ROBO1: variants seen among roughly 807,000 people sequenced by gnomAD.
ROBO1 encodes the protein roundabout guidance receptor 1.
Under a neutral mutation model 195.9 loss-of-function variants are expected in ROBO1, and 149 were observed. That is an observed-to-expected ratio of 0.76 (90% CI 0.67 to 0.87). The LOEUF (loss-of-function observed/expected upper bound fraction) is 0.87, where lower values mean the gene tolerates loss of function less well. Ranked by LOEUF, ROBO1 falls within the 40% of genes least tolerant of loss-of-function variation. The pLI is 0.00. For missense variants in ROBO1, 1,933 were observed against 2,068.3 expected, an observed-to-expected ratio of 0.93 and a Z score of 1.27; for synonymous variants, 816 against 733.2, an observed-to-expected ratio of 1.11 and a Z score of -1.82.
intron 3 of ROBO1, among the ~76,000 whole-genome samples, chr3:78,951,906 C>A (rs895436456): frequency 6.6e-5 from 10 of 151,878 alleles, no homozygotes; most frequent in African/African-American, 2.4e-4. Context: ...CAGAAAGTAA[C>A]CATTTAAGAG....
intron 3 of ROBO1, among the ~76,000 whole-genome samples, chr3:79,027,229 A>C (rs978047044): frequency 3.0e-4 from 46 of 152,084 alleles, no homozygotes; most frequent in African/African-American, 1.1e-3. Flanking sequence ...ATTGTACTCG[A>C]GTTTCCTATT....
intron 8 of ROBO1, among the ~76,000 whole-genome samples, chr3:78,697,525 C>A (rs1418535023): frequency 6.6e-6 from 1 of 152,040 alleles, no homozygotes; most frequent in African/African-American, 2.4e-5. Context: ...TGATAATCGG[C>A]CTAAATAATA....
chr3:79,664,513 C>A (rs1476389705), intron 1 of ROBO1, among the ~76,000 whole-genome samples: 1 of 152,032 alleles, frequency 6.6e-6, no homozygotes, highest in Non-Finnish European at 1.5e-5. Context: ...CAGAAATATG[C>A]TTTAGCATCT....
intron 1 of ROBO1, among the ~76,000 whole-genome samples, chr3:79,673,565 G>T (rs1044331020): frequency 6.6e-6 from 1 of 151,892 alleles, no homozygotes; most frequent in Non-Finnish European, 1.5e-5. Context: ...TTTTTGTGTG[G>T]GAGGCACAGT....
chr3:79,278,007 G>C (rs1306570836), intron 2 of ROBO1, among the ~76,000 whole-genome samples: 18 of 152,014 alleles, frequency 1.2e-4, no homozygotes, highest in Admixed American at 1.2e-3. Context: ...AAAATCAGTA[G>C]TGTTTCTATA....
At chr3:79,252,920 A>G (rs1559766991) in intron 2 of ROBO1, among the ~76,000 whole-genome samples, 3 of 152,268 alleles carry the variant, frequency 2.0e-5, no homozygotes, top group Admixed American at 2.0e-4. Context: ...ATTAAATTAT[A>G]CTAGTGTTCT....
At chr3:78,711,348 C>CTCCTTTCTTTCTTTCTTTCTTTCTTCCT in intron 8 of ROBO1, among the ~76,000 whole-genome samples, 1 of 54,692 alleles carries the variant, frequency 1.8e-5, no homozygotes, top group South Asian at 8.7e-4. Flanking sequence ...TCCTTCCTTC[C>CTCCTTTCTTTCTTTCTTTCTTTCTTCCT]TCCTTCCTTC....
chr3:79,203,283 G>A (rs534877520), intron 2 of ROBO1, among the ~76,000 whole-genome samples: 1 of 152,256 alleles, frequency 6.6e-6, no homozygotes, highest in East Asian at 1.9e-4. Flanking sequence ...AAGCCATCTT[G>A]CTGAGAGCGG....
intron 2 of ROBO1, among the ~76,000 whole-genome samples, chr3:79,546,459 T>TA (rs1233445153): frequency 2.6e-5 from 4 of 152,132 alleles, no homozygotes; most frequent in Non-Finnish European, 5.9e-5. Flanking sequence ...GCTGGAACGT[T>TA]AAAAAAATTC....
chr3:78,642,386 C>T (rs1189590698), intron 21 of ROBO1, among the ~76,000 whole-genome samples: 1 of 152,104 alleles, frequency 6.6e-6, no homozygotes, highest in African/African-American at 2.4e-5. Flanking sequence ...AGGAGGCTGG[C>T]AGGAAGCCTT....
In ROBO1 at chr3:78,653,764, A is replaced by G. The variant is rs558469226; in HGVS notation, c.2615-1835T>C. On this transcript the variant is annotated intron_variant, in intron 18 of 30. Transcript: ENST00000464233. ...CAGGAATAAGCTGGACGCAGGTCAG[A>G]TAAGAGCCACAGGGGCGTCTGCCAG... Among the ~76,000 whole-genome samples the G allele has an allele frequency of 3.3e-5, 5 of 152,300 alleles. No individual in the cohort carries two copies. The South Asian group carries it at 1.0e-3, about 32-fold the overall frequency.
intron 2 of ROBO1, among the ~76,000 whole-genome samples, chr3:79,247,611 A>T (rs774195596): frequency 1.3e-5 from 2 of 152,038 alleles, no homozygotes; most frequent in Non-Finnish European, 2.9e-5. Context: ...CTTTGCTGAC[A>T]ACAGAAGCTT....
At chr3:78,694,456 C>T (rs2081242864) in intron 8 of ROBO1, among the ~76,000 whole-genome samples, 1 of 152,116 alleles carries the variant, frequency 6.6e-6, no homozygotes, top group Admixed American at 6.5e-5. Flanking sequence ...GTCCCATACG[C>T]AAAATTTAAA....
chr3:79,750,519 A>G (rs1704089374), intron 1 of ROBO1, among the ~76,000 whole-genome samples: 1 of 152,072 alleles, frequency 6.6e-6, no homozygotes, highest in Non-Finnish European at 1.5e-5. Flanking sequence ...ATGAATTGTA[A>G]CTCCCACAAT....
At chr3:78,647,713 T>C (rs1706390259) in intron 19 of ROBO1, 58 bp from the exon 20 acceptor site, 3 of 1,294,472 alleles carry the variant, frequency 2.3e-6, no homozygotes, top group Non-Finnish European at 3.4e-6. Context: ...AAAGGGAACA[T>C]ATCACATTAG....
Position 79,416,619 on chromosome 3 carries a change from C to T in ROBO1, c.88+173205G>A, listed in dbSNP as rs557681297. 8.8e-5 allele frequency among the ~76,000 whole-genome samples: 13 copies of T among 147,486 alleles called. No homozygotes were observed. The South Asian group carries it at 2.6e-3, about 29-fold the overall frequency. On this transcript the variant is annotated intron_variant, in intron 2 of 30. Transcript: ENST00000464233. Reference sequence around the variant, plus strand: ...TGAAACTCTTAAAAAAAAAAAAAACCGAAAGAAAGAAAGAAAAAAAAGAAA... The same window carrying T: ...TGAAACTCTTAAAAAAAAAAAAAACTGAAAGAAAGAAAGAAAAAAAAGAAA...
At chr3:78,700,634 C>A (rs2081397932) in intron 8 of ROBO1, among the ~76,000 whole-genome samples, 1 of 152,030 alleles carries the variant, frequency 6.6e-6, no homozygotes. Context: ...TTCAGCAGCT[C>A]TGTAAGGAAT....
At chr3:79,732,002 C>T (rs1029101892) in intron 1 of ROBO1, among the ~76,000 whole-genome samples, 2 of 152,182 alleles carry the variant, frequency 1.3e-5, no homozygotes, top group East Asian at 1.9e-4. Flanking sequence ...ATGTGAACAA[C>T]ATTGCATGAA....
chr3:79,231,655 G>A (rs1187244956), intron 2 of ROBO1, among the ~76,000 whole-genome samples: 4 of 152,130 alleles, frequency 2.6e-5, no homozygotes, highest in Admixed American at 1.3e-4. Flanking sequence ...ACAATGTGGC[G>A]ATTCCTCAAA....
Sources: allele counts gnomAD v4.1 joint callset (sites outside exome capture counted in the v4.1 genomes callset), GRCh38; gene constraint gnomAD v4.1.1; transcripts MANE v1.5; gene names NCBI Gene and HGNC (gene_info 2026-07-23, HGNC 2026-07-21).